Variants in PTDSS1 observed in about 807,000 individuals in gnomAD.
PTDSS1 encodes phosphatidylserine synthase 1.
In PTDSS1, 45 loss-of-function variants were observed where a neutral mutation model predicts 70.5. The observed-to-expected ratio is 0.64, with a 90% CI of 0.50 to 0.82. The LOEUF is 0.82. Ranked by LOEUF, PTDSS1 falls within the 40% of genes least tolerant of loss-of-function variation. The probability of loss-of-function intolerance (pLI) is 0.00; values close to 1 mark genes in which losing one functional copy is unlikely to be tolerated. For missense variants in PTDSS1, 417 were observed against 586.1 expected, an observed-to-expected ratio of 0.71 and a Z score of 2.98; for synonymous variants, 188 against 203.8, an observed-to-expected ratio of 0.92 and a Z score of 0.66.
intron 8 of PTDSS1, 162 bp from the exon 9 acceptor site, chr8:96,309,394 GT>G: frequency 3.7e-6 from 2 of 543,660 alleles, no homozygotes; most frequent in South Asian, 5.8e-5. Flanking sequence ...TTACAGGAAT[GT>G]TTTAACAGGC....
At chr8:96,291,272 A>G (rs1295722606) in intron 4 of PTDSS1, among the ~76,000 whole-genome samples, 2 of 152,282 alleles carry the variant, frequency 1.3e-5, no homozygotes, top group East Asian at 3.9e-4. Context: ...AGCTTTTTAG[A>G]ATTTTATTAT....
At chr8:96,287,392 C>T in intron 4 of PTDSS1, 1 of 460,280 alleles carries the variant, frequency 2.2e-6, no homozygotes, top group Non-Finnish European at 3.8e-6. Context: ...GTCAGACAGC[C>T]TTGGGTGTGA....
intron 11 of PTDSS1, 84 bp from the exon 12 acceptor site, chr8:96,330,938 CAGGG>C (rs1326599949): frequency 9.1e-7 from 1 of 1,097,784 alleles, no homozygotes; most frequent in Non-Finnish European, 1.4e-6. Context: ...CTGGGAGAGG[CAGGG>C]ATGCAGCATG....
At chr8:96,307,262 T>A (rs1016720504) in intron 8 of PTDSS1, among the ~76,000 whole-genome samples, 2 of 152,182 alleles carry the variant, frequency 1.3e-5, no homozygotes, top group Middle Eastern at 3.4e-3. Flanking sequence ...CTGCCAAAGG[T>A]ACAAATATAA....
intron 2 of PTDSS1, among the ~76,000 whole-genome samples, chr8:96,274,090 C>G (rs1364716423): frequency 1.3e-5 from 2 of 151,632 alleles, no homozygotes; most frequent in African/African-American, 4.8e-5. Context: ...AGAATATTCT[C>G]TACTTGTTCG....
intron 2 of PTDSS1, among the ~76,000 whole-genome samples, chr8:96,276,816 T>G (rs1040448335): frequency 6.6e-6 from 1 of 151,940 alleles, no homozygotes; most frequent in Non-Finnish European, 1.5e-5. Flanking sequence ...ACAAAGGAGG[T>G]GGGTGGTGAC....
At chr8:96,306,060 A>G (rs1156858843) in intron 7 of PTDSS1, among the ~76,000 whole-genome samples, 1 of 152,224 alleles carries the variant, frequency 6.6e-6, no homozygotes, top group Non-Finnish European at 1.5e-5. Context: ...TCTGTAAGGC[A>G]GCATAGGTGT....
chr8:96,276,627 C>T (rs1052192040), intron 2 of PTDSS1, among the ~76,000 whole-genome samples: 7 of 152,186 alleles, frequency 4.6e-5, no homozygotes, highest in South Asian at 2.1e-4. Flanking sequence ...ATTTCCCTTC[C>T]GCGGTGCTGC....
At chr8:96,317,933 A>G (rs1201308000) in intron 9 of PTDSS1, among the ~76,000 whole-genome samples, 1 of 149,250 alleles carries the variant, frequency 6.7e-6, no homozygotes, top group Non-Finnish European at 1.5e-5. Flanking sequence ...ACGCATGCGT[A>G]TACTGGATCA....
chr8:96,310,103 C>T (rs1811186501), intron 9 of PTDSS1, among the ~76,000 whole-genome samples: 2 of 151,648 alleles, frequency 1.3e-5, no homozygotes, highest in South Asian at 4.2e-4. Context: ...CACTGCACTC[C>T]AGCCTGGGCG....
At chr8:96,306,790 T>A (rs187575836) in intron 8 of PTDSS1, among the ~76,000 whole-genome samples, 2 of 152,360 alleles carry the variant, frequency 1.3e-5, no homozygotes, top group East Asian at 3.9e-4. Context: ...CTATCCATTA[T>A]TATCAGATTC....
chr8:96,333,788 C>T lies in PTDSS1; in HGVS notation c.*222C>T, dbSNP rs767637892. On this transcript the variant is annotated 3_prime_UTR_variant, in exon 13 of 13. Coordinates refer to ENST00000517309, the MANE Select transcript of PTDSS1 (RefSeq NM_014754.3). ...GGCCTTTGCCAACGTGGGGTCTCTT[C>T]TAACTTCAGCACTTGACATGCGGTC... 9.0e-5 allele frequency: 63 copies of T among 701,608 alleles called. No individual in the cohort carries two copies. The African/African-American group carries it at 1.1e-3, about 12-fold the overall frequency. The allele number at this position is 701,608 out of a possible 1,614,324, so 43.5% of individuals were successfully genotyped here. A position where few individuals can be genotyped will look rare whatever the true frequency, so the allele number is the denominator to read the frequency against.
rs143207484 is a variant in PTDSS1, at chr8:96,282,985, A to G, written c.272-1124A>G. Among the ~76,000 whole-genome samples, 715 of 152,284 alleles carry G rather than the reference A, an allele frequency of 4.7e-3. 2 individuals carry two copies. The highest frequency in any genetic ancestry group is 0.014 in the African/African-American group (571 of 41,546). ...CAGGCACCACCCACAGAGCTGTTCT[A>G]AGGAGGAAACCCCAGCAAGCATGGG... On this transcript the variant is annotated intron_variant, in intron 2 of 12. Coordinates refer to ENST00000517309, the MANE Select transcript of PTDSS1 (RefSeq NM_014754.3).
At chr8:96,286,123 T>A (rs1810819046) in intron 3 of PTDSS1, among the ~76,000 whole-genome samples, 1 of 152,054 alleles carries the variant, frequency 6.6e-6, no homozygotes, top group Non-Finnish European at 1.5e-5. Context: ...TCCTCTGGAG[T>A]GGCTCACTGG....
At chr8:96,300,943 C>A (rs1388476559) in intron 6 of PTDSS1, among the ~76,000 whole-genome samples, 2 of 151,934 alleles carry the variant, frequency 1.3e-5, no homozygotes, top group African/African-American at 4.8e-5. Flanking sequence ...TATGTATATC[C>A]ATTTCACTAT....
At chr8:96,306,737 C>T (rs1811130145) in intron 8 of PTDSS1, among the ~76,000 whole-genome samples, 181 bp downstream of exon 8, 1 of 152,186 alleles carries the variant, frequency 6.6e-6, no homozygotes, top group Admixed American at 6.5e-5. Context: ...ATTAACCAGA[C>T]ATTTAAAAAG....
At chr8:96,325,783 C>T (rs962044143) in intron 10 of PTDSS1, among the ~76,000 whole-genome samples, 1 of 152,240 alleles carries the variant, frequency 6.6e-6, no homozygotes, top group African/African-American at 2.4e-5. Flanking sequence ...TCTTTTTCCC[C>T]ACCTGAGTTA....
chr8:96,303,977 T>C (rs1811086061), intron 6 of PTDSS1, 63 bp from the exon 7 acceptor site: 2 of 1,504,666 alleles, frequency 1.3e-6, no homozygotes, highest in Non-Finnish European at 1.8e-6. Context: ...GATTTTTTTC[T>C]TGTGCTTTGT....
chr8:96,270,178 G>A (rs1810544954), intron 1 of PTDSS1, among the ~76,000 whole-genome samples: 1 of 152,130 alleles, frequency 6.6e-6, no homozygotes, highest in African/African-American at 2.4e-5. Flanking sequence ...GACCCTATCA[G>A]TAAAATGCAG....
Sources: gnomAD v4.1 joint callset for allele counts (sites outside exome capture counted in the v4.1 genomes callset) on GRCh38, gnomAD v4.1.1 for gene constraint, MANE v1.5 for transcripts, NCBI Gene and HGNC (gene_info 2026-07-23, HGNC 2026-07-21) for gene names.